Variants in CUBN observed in about 807,000 individuals in gnomAD.
The protein encoded by CUBN is cubilin, also known as 460 kDa receptor.
In CUBN, 282 loss-of-function variants were observed where a neutral mutation model predicts 405.3. The ratio of observed to expected loss-of-function variants is 0.70; its 90% CI spans 0.63 to 0.77. The LOEUF is 0.77. Ranked by LOEUF, CUBN falls within the 30% of genes least tolerant of loss-of-function variation. The pLI, the probability that CUBN is intolerant of heterozygous loss-of-function variation, is 0.00. For missense variants in CUBN, 4,514 were observed against 4,475.2 expected, an observed-to-expected ratio of 1.01 and a Z score of -0.25; for synonymous variants, 1,684 against 1,617.0, an observed-to-expected ratio of 1.04 and a Z score of -0.99.
At chr10:16,961,861 G>A (rs7091490) in intron 31 of CUBN, among the ~76,000 whole-genome samples, 138,701 of 151,618 alleles carry the variant, frequency 0.91, 64,054 homozygotes, top group Non-Finnish European at 0.96. Flanking sequence ...ACAGGCGCCC[G>A]CCACTACGCC....
Position 16,888,691 on chromosome 10 carries a change from AG to A in CUBN, c.8756-126del, listed in dbSNP as rs1235216563. 6.2e-6 allele frequency: 5 copies of A among 811,244 alleles called. No individual in the cohort carries two copies. In the Middle Eastern group the frequency reaches 9.0e-4, roughly 146 times the overall value. 50.3% of individuals were successfully genotyped at this position (811,244 alleles called of 1,614,324 possible). ...AGTTCCCTGAGATATTCCAAATGGA[AG>A]AAGCAAGAATGAAGAGAATAAAGCT... On this transcript the variant is annotated intron_variant, in intron 55 of 66. Coordinates refer to ENST00000377833, the MANE Select transcript of CUBN (RefSeq NM_001081.4).
chr10:16,999,419 T>C (rs1016071285), intron 28 of CUBN, among the ~76,000 whole-genome samples: 1 of 152,234 alleles, frequency 6.6e-6, no homozygotes, highest in Non-Finnish European at 1.5e-5. Context: ...ATCAGTTTCC[T>C]TTTAAGCTAC....
intron 16 of CUBN, among the ~76,000 whole-genome samples, chr10:17,085,188 T>TG (rs1836078264): frequency 6.6e-6 from 1 of 152,208 alleles, no homozygotes; most frequent in African/African-American, 2.4e-5. Context: ...CTCTAGAGTC[T>TG]GGGACACTGT....
At chr10:17,122,729 A>T in intron 6 of CUBN, 66 bp downstream of exon 6, 1 of 932,916 alleles carries the variant, frequency 1.1e-6, no homozygotes, top group Non-Finnish European at 1.7e-6. Flanking sequence ...GGATGCTCTT[A>T]ACTATGGGAT....
rs397968194 is a variant in CUBN, at chr10:16,871,034, C to CTT, written c.9237-1183_9237-1182dup. Among the ~76,000 whole-genome samples, 444 of 145,442 alleles carry CTT rather than the reference C, an allele frequency of 3.1e-3. 5 individuals carry two copies. Among genetic ancestry groups the CTT allele is most frequent in the African/African-American group, 8.5e-3 (339 of 39,920 alleles). On this transcript the variant is annotated intron_variant, in intron 58 of 66. Coordinates refer to ENST00000377833, the MANE Select transcript of CUBN (RefSeq NM_001081.4). ...ATTTTTATAGGTTCTTCTGCTTTTT[C>CTT]TTTTTTTTTTTGAGACAGAGTCTCA...
chr10:16,855,219 T>G (rs1264882224), intron 59 of CUBN, among the ~76,000 whole-genome samples: 1 of 151,704 alleles, frequency 6.6e-6, no homozygotes, highest in African/African-American at 2.4e-5. Context: ...TAGCTGGGAT[T>G]ACAGGTGCAT....
chr10:17,068,914 A>C (rs910892914), intron 19 of CUBN, 144 bp from the exon 20 acceptor site: 2 of 695,404 alleles, frequency 2.9e-6, no homozygotes, highest in Non-Finnish European at 4.9e-6. Context: ...GTCACCCCCC[A>C]AAAAACACTC....
intron 28 of CUBN, among the ~76,000 whole-genome samples, chr10:17,012,556 C>T (rs1367253266): frequency 2.6e-5 from 4 of 152,176 alleles, no homozygotes; most frequent in African/African-American, 7.2e-5. Context: ...CTGAGAAATG[C>T]TTTGAGAGTG....
rs543546297 is a variant in CUBN, at chr10:16,972,949, T to C, written c.4695+9535A>G. On this transcript the variant is annotated intron_variant, in intron 31 of 66. Transcript: ENST00000377833. ...TCCCAAACAGACATGCTACCATCTTTCTTTTTCTCTGCCAAGCCATTCTTC... is the reference window on the plus strand; with the variant it reads ...TCCCAAACAGACATGCTACCATCTTCCTTTTTCTCTGCCAAGCCATTCTTC... Among the ~76,000 whole-genome samples, 242 of 152,280 alleles carry C rather than the reference T, an allele frequency of 1.6e-3. 2 individuals are homozygous for C. Among genetic ancestry groups the C allele is most frequent in the African/African-American group, 5.6e-3 (233 of 41,562 alleles).
At chr10:16,917,149 T>C (rs1427473305) in intron 45 of CUBN, among the ~76,000 whole-genome samples, 1 of 152,088 alleles carries the variant, frequency 6.6e-6, no homozygotes, top group Non-Finnish European at 1.5e-5. Flanking sequence ...GATTTGGCAC[T>C]AGAGACTCAG....
intron 58 of CUBN, among the ~76,000 whole-genome samples, chr10:16,872,064 AAT>A (rs61318193): frequency 6.0e-5 from 9 of 150,080 alleles, no homozygotes; most frequent in Admixed American, 1.3e-4. Flanking sequence ...ATCTCTACTA[AAT>A]ATATATATAT....
At chr10:17,001,711 C>T (rs1039725425) in intron 28 of CUBN, among the ~76,000 whole-genome samples, 1 of 152,198 alleles carries the variant, frequency 6.6e-6, no homozygotes, top group Admixed American at 6.5e-5. Context: ...TTTTCATTCA[C>T]TCTTTACATG....
chr10:16,984,955 A>G (rs1251525285), intron 29 of CUBN, among the ~76,000 whole-genome samples: 1 of 151,944 alleles, frequency 6.6e-6, no homozygotes, highest in Non-Finnish European at 1.5e-5. Context: ...CAGCACGCCC[A>G]TGCCCAGGAA....
intron 41 of CUBN, among the ~76,000 whole-genome samples, chr10:16,926,616 G>C (rs1404733910): frequency 6.6e-6 from 1 of 152,044 alleles, no homozygotes; most frequent in Non-Finnish European, 1.5e-5. Context: ...TGTGAGGGTA[G>C]AGCCAGTGTG....
At chr10:16,850,714 C>T (rs1211715552) in intron 60 of CUBN, among the ~76,000 whole-genome samples, 1 of 152,186 alleles carries the variant, frequency 6.6e-6, no homozygotes, top group African/African-American at 2.4e-5. Context: ...CTCAAGTGAT[C>T]CTCCTGCCTC....
At chr10:17,122,279 A>C (rs890927149) in intron 6 of CUBN, 1 of 219,688 alleles carries the variant, frequency 4.6e-6, no homozygotes, top group Non-Finnish European at 9.2e-6. Context: ...CTGTGGTCAG[A>C]GAGAGTTACT....
At chr10:17,066,242 TGAACAAAAGCA>T (rs1465470322) in intron 21 of CUBN, among the ~76,000 whole-genome samples, 164 of 152,304 alleles carry the variant, frequency 1.1e-3, no homozygotes, top group African/African-American at 3.8e-3. Flanking sequence ...ATGTTTCTGC[TGAACAAAAGCA>T]GTTTAGCTCA....
intron 59 of CUBN, among the ~76,000 whole-genome samples, chr10:16,852,181 C>T (rs1839730123): frequency 9.1e-6 from 1 of 109,290 alleles, no homozygotes; most frequent in Non-Finnish European, 1.9e-5. Flanking sequence ...CTATCTTTCC[C>T]TCCCTCCCTC....
chr10:17,044,318 ATT>A (rs1174894230), intron 25 of CUBN, among the ~76,000 whole-genome samples: 2 of 148,130 alleles, frequency 1.4e-5, no homozygotes, highest in East Asian at 3.9e-4. Context: ...ATAAATATAT[ATT>A]TTTTGTTATA....
Sources: allele counts gnomAD v4.1 joint callset (sites outside exome capture counted in the v4.1 genomes callset), GRCh38; gene constraint gnomAD v4.1.1; transcripts MANE v1.5; gene names NCBI Gene and HGNC (gene_info 2026-07-23, HGNC 2026-07-21).